The following RASA3 variants were observed in gnomAD, a reference collection of about 807,000 sequenced individuals.
The protein encoded by RASA3 is ras GTPase-activating protein 3.
In RASA3, 73 loss-of-function variants were observed where a neutral mutation model predicts 110.0. That is an observed-to-expected ratio of 0.66 (90% confidence interval 0.55 to 0.81). The LOEUF (loss-of-function observed/expected upper bound fraction) is 0.81, where lower values mean the gene tolerates loss of function less well. Among genes scored for constraint, RASA3 ranks in the 30% least tolerant of loss-of-function variants. The probability of loss-of-function intolerance (pLI) is 0.00; values close to 1 mark genes in which losing one functional copy is unlikely to be tolerated. For synonymous variants in RASA3, 500 were observed against 451.4 expected, an observed-to-expected ratio of 1.11 and a Z score of -1.37; for missense variants, 976 against 1,113.2, an observed-to-expected ratio of 0.88 and a Z score of 1.75.
At chr13:114,032,099 T>G (rs1378496535) in intron 4 of RASA3, among the ~76,000 whole-genome samples, 2 of 152,220 alleles carry the variant, frequency 1.3e-5, no homozygotes, top group African/African-American at 4.8e-5. Flanking sequence ...ATTTATTCCC[T>G]ATACAAGTTA....
At position 114,013,882 on chromosome 13, in the gene RASA3, C is replaced by T. The variant is rs1168697300; in HGVS notation, c.1406-634G>A. 1.7e-4 allele frequency among the ~76,000 whole-genome samples: 12 copies of T among 68,952 alleles called. 3 individuals are homozygous for T. The highest frequency in any genetic ancestry group is 1.2e-3 in the African/African-American group (11 of 9,498). The allele number at this position is 68,952 out of a possible 152,430, so 45.2% of individuals were successfully genotyped here. ...TCTCTCCCTGTCTCTCTCCCTATCT[C>T]TGTCTCTCTCTTTTTCTCTCTTTCT... On this transcript the variant is annotated intron_variant, in intron 14 of 23. Coordinates refer to ENST00000334062, the MANE Select transcript of RASA3 (RefSeq NM_007368.4).
intron 16 of RASA3, among the ~76,000 whole-genome samples, chr13:114,009,720 C>T (rs977271557): frequency 1.8e-4 from 28 of 152,254 alleles, no homozygotes; most frequent in Non-Finnish European, 2.8e-4. Context: ...TCAGTGACTC[C>T]GTCCTGGCCC....
chr13:114,111,046 C>G (rs9562116), intron 1 of RASA3, among the ~76,000 whole-genome samples: 37,981 of 63,886 alleles, frequency 0.59, 11,021 homozygotes, highest in Middle Eastern at 0.66. Context: ...AGCTGCAGGC[C>G]GAGTTCTAAC....
At position 114,056,974 on chromosome 13, in the gene RASA3, C is replaced by T. The variant is rs1458012319; in HGVS notation, c.174-4819G>A. ...GCTTTGGGGCCCTCTGTCAGGCTGC[C>T]CCCCCTGCTAAGAGGAGCTGTTGTC... On this transcript the variant is annotated intron_variant, in intron 2 of 23. Coordinates refer to ENST00000334062, the MANE Select transcript of RASA3 (RefSeq NM_007368.4). The surrounding 1 kb of genome is among the most constrained non-coding windows in gnomAD (Gnocchi z 5.7). Among the ~76,000 whole-genome samples the T allele has an allele frequency of 6.6e-6, 1 of 152,050 alleles. No individual in the cohort carries two copies. The highest frequency in any genetic ancestry group is 6.5e-5 in the Admixed American group (1 of 15,270).
rs1204812320 is a variant in RASA3 at position 114,013,912 on chromosome 13, C to CTT, written c.1406-665_1406-664insAA. 2.1e-4 allele frequency among the ~76,000 whole-genome samples: 21 copies of CTT among 98,892 alleles called. 2 individuals carry two copies. In the South Asian group the frequency reaches 6.8e-3, roughly 32 times the overall value. 64.9% of individuals were successfully genotyped at this position (98,892 alleles called of 152,430 possible). ...TCTCTCTTTTTCTCTCTTTCTCTGT[C>CTT]TCTCTCTCTCCGTCTCTCTCTCCCT... On this transcript the variant is annotated intron_variant, in intron 14 of 23. Coordinates refer to ENST00000334062, the MANE Select transcript of RASA3 (RefSeq NM_007368.4).
chr13:114,000,512 C>G (rs1330999187), intron 19 of RASA3, among the ~76,000 whole-genome samples: 3 of 152,154 alleles, frequency 2.0e-5, no homozygotes, highest in Admixed American at 6.5e-5. Context: ...GGAGCGGCAC[C>G]CTGGCCATGA....
chr13:114,114,179 G>A lies in RASA3; in HGVS notation c.55+18256C>T, dbSNP rs555829598. ...ATCAATCCACCCCACCACGGTGAGC[G>A]TCTGCGATGTCCGTGCAGGGGAGAG... On this transcript the variant is annotated intron_variant, in intron 1 of 23. Transcript: ENST00000334062. This position sits in a 1 kb window ranked among gnomAD's most constrained non-coding sequence, Gnocchi z 4.8. Among the ~76,000 whole-genome samples, 45 of 152,356 alleles carry A rather than the reference G, an allele frequency of 3.0e-4. No individual in the cohort carries two copies. Among genetic ancestry groups the A allele is most frequent in the Middle Eastern group, 3.4e-3 (1 of 294 alleles).
intron 1 of RASA3, among the ~76,000 whole-genome samples, chr13:114,113,698 G>A (rs1465326335): frequency 5.4e-4 from 32 of 59,140 alleles, no homozygotes; most frequent in African/African-American, 2.3e-3. Flanking sequence ...AGCTCACACC[G>A]CGTCCATCAG....
Position 114,057,578 on chromosome 13 carries a change from C to A in RASA3, c.174-5423G>T. On this transcript the variant is annotated intron_variant, in intron 2 of 23. Transcript: ENST00000334062. This position sits in a 1 kb window ranked among gnomAD's most constrained non-coding sequence, Gnocchi z 5.0. ...AGTGGAGGCCCCCACAGGAAGGAAA[C>A]CTCTCCCCACAATGACTGTGCACAG... 1.1e-6 allele frequency: 1 copy of A among 915,798 alleles called. No individual in the cohort carries two copies. Among genetic ancestry groups the A allele is most frequent in the Non-Finnish European group, 1.3e-6 (1 of 766,652 alleles). 56.7% of individuals were successfully genotyped at this position (915,798 alleles called of 1,614,324 possible). A position where few individuals can be genotyped will look rare whatever the true frequency, so the allele number is the denominator to read the frequency against.
intron 1 of RASA3, among the ~76,000 whole-genome samples, chr13:114,099,292 G>A (rs1005369347): frequency 6.6e-6 from 1 of 152,106 alleles, no homozygotes; most frequent in African/African-American, 2.4e-5. Flanking sequence ...AGCTGCTGAG[G>A]CCTGAGCCGG....
chr13:114,127,997 C>G (rs1042901017), intron 1 of RASA3, among the ~76,000 whole-genome samples: 2 of 152,246 alleles, frequency 1.3e-5, no homozygotes, highest in Non-Finnish European at 2.9e-5. Context: ...AGGCAAGGCC[C>G]GGGCCCCAGG....
At chr13:114,099,286 G>A (rs868638842) in intron 1 of RASA3, among the ~76,000 whole-genome samples, 30 of 152,082 alleles carry the variant, frequency 2.0e-4, no homozygotes, top group Non-Finnish European at 2.8e-4. Context: ...ACAGGCAGCT[G>A]CTGAGGCCTG....
At position 114,132,547 on chromosome 13, in the gene RASA3, C is replaced by T; in HGVS notation, c.-58G>A. The T allele has an allele frequency of 7.7e-7, 1 of 1,302,910 alleles. No homozygotes were observed. The highest frequency in any genetic ancestry group is 9.8e-7 in the Non-Finnish European group (1 of 1,025,290). The allele number at this position is 1,302,910 out of a possible 1,614,324, so 80.7% of individuals were successfully genotyped here. On this transcript the variant is annotated 5_prime_UTR_variant, in exon 1 of 24. Coordinates refer to ENST00000334062, the MANE Select transcript of RASA3 (RefSeq NM_007368.4). ...AAGCGCGCGCCGAGCCCGGGCAGCT[C>T]AGGCCGAGCAGGAGGAGCGGCGGCG...
At chr13:114,043,538 C>A (rs1223801233) in intron 3 of RASA3, among the ~76,000 whole-genome samples, 1 of 152,136 alleles carries the variant, frequency 6.6e-6, no homozygotes, top group East Asian at 1.9e-4. Flanking sequence ...CTCATGGGTT[C>A]CTAAGATCAG....
At position 114,040,582 on chromosome 13, in the gene RASA3, T is replaced by C. The variant is rs550116519; in HGVS notation, c.372+418A>G. The stretch of plus-strand genomic sequence containing the variant: ...GCGGGCGAACACGCACAACCCAAAA[T>C]CCATGGCGGAGCCCGCGCTCACTCC... On this transcript the variant is annotated intron_variant, in intron 4 of 23. Coordinates refer to ENST00000334062, the MANE Select transcript of RASA3 (RefSeq NM_007368.4). Among the ~76,000 whole-genome samples, 30 of 116,738 alleles carry C rather than the reference T, an allele frequency of 2.6e-4. 2 individuals are homozygous for C. Among genetic ancestry groups the C allele is most frequent in the African/African-American group, 1.1e-3 (29 of 27,096 alleles). 76.6% of individuals were successfully genotyped at this position (116,738 alleles called of 152,430 possible).
intron 9 of RASA3, among the ~76,000 whole-genome samples, chr13:114,020,603 G>A (rs2053905847): frequency 6.6e-6 from 1 of 152,222 alleles, no homozygotes; most frequent in African/African-American, 2.4e-5. Context: ...GTGACTCCGG[G>A]CCCTCTCAGG....
intron 2 of RASA3, among the ~76,000 whole-genome samples, chr13:114,063,718 T>G (rs1324237679): frequency 6.6e-6 from 1 of 152,204 alleles, no homozygotes; most frequent in Non-Finnish European, 1.5e-5. Flanking sequence ...AGTGGCTGAT[T>G]GTCCCCGTGG....
chr13:114,052,876 C>G, intron 2 of RASA3, among the ~76,000 whole-genome samples: 1 of 144,370 alleles, frequency 6.9e-6, no homozygotes, highest in South Asian at 2.2e-4. Context: ...GAGAGACCCC[C>G]GCTGCTGACT....
At chr13:114,003,094 A>G (rs1348672343) in intron 18 of RASA3, among the ~76,000 whole-genome samples, 3 of 152,270 alleles carry the variant, frequency 2.0e-5, no homozygotes, top group Non-Finnish European at 4.4e-5. Flanking sequence ...CTGAGATGGC[A>G]GAACCGAGGC....
Sources: allele counts gnomAD v4.1 joint callset (sites outside exome capture counted in the v4.1 genomes callset), GRCh38; gene constraint gnomAD v4.1.1; non-coding constraint Gnocchi (gnomAD v3.1); transcripts MANE v1.5; gene names NCBI Gene and HGNC (gene_info 2026-07-23, HGNC 2026-07-21).